The following DIP2C variants were observed in gnomAD, a reference collection of about 807,000 sequenced individuals.
DIP2C encodes disco-interacting protein 2 homolog C.
In DIP2C, 33 loss-of-function variants were observed where a neutral mutation model predicts 192.4. That is an observed-to-expected ratio of 0.17 (90% CI 0.13 to 0.23). DIP2C has a LOEUF of 0.23. DIP2C is among the 10% of genes least tolerant of loss of function. The pLI is 1.00. For synonymous variants in DIP2C, 979 were observed against 864.1 expected (o/e 1.13, Z -2.33); for missense variants, 1,537 against 2,110.1 (o/e 0.73, Z 5.32).
intron 31 of DIP2C, among the ~76,000 whole-genome samples, chr10:321,552 G>A (rs1393185772): frequency 7.7e-6 from 1 of 130,118 alleles, no homozygotes; most frequent in Non-Finnish European, 1.6e-5. Context: ...CGAGAGACCG[G>A]CGCTGTTAGA....
intron 1 of DIP2C, among the ~76,000 whole-genome samples, chr10:490,265 C>G (rs1844337950): frequency 6.6e-6 from 1 of 152,232 alleles, no homozygotes; most frequent in Non-Finnish European, 1.5e-5. Flanking sequence ...ATTCCTGCCT[C>G]TCTTCTCTCC....
At chr10:353,153 G>T (rs1210288602) in intron 24 of DIP2C, among the ~76,000 whole-genome samples, 3 of 135,770 alleles carry the variant, frequency 2.2e-5, no homozygotes, top group Non-Finnish European at 4.6e-5. Flanking sequence ...GTGCTGGGAG[G>T]CAGCATGACC....
intron 3 of DIP2C, among the ~76,000 whole-genome samples, chr10:455,265 A>T (rs10795165): frequency 7.6e-6 from 1 of 132,192 alleles, no homozygotes; most frequent in Non-Finnish European, 1.8e-5. Context: ...CTGCCTGAGG[A>T]GTGGCCCATG....
intron 17 of DIP2C, among the ~76,000 whole-genome samples, chr10:379,287 T>A (rs1323923650): frequency 6.8e-6 from 1 of 146,442 alleles, no homozygotes; most frequent in Non-Finnish European, 1.5e-5. Context: ...CTAGGGCTGC[T>A]GCTGCTCCCG....
rs752525915 is a variant in DIP2C at position 348,628 on chromosome 10, C to G, written c.3231+13G>C. Reference sequence around the variant, plus strand: ...CAGGCAGGTGGAGGCCCCGACATTCCCAGGCATGTTACCTCCACAATCATC... The same window carrying G: ...CAGGCAGGTGGAGGCCCCGACATTCGCAGGCATGTTACCTCCACAATCATC... On this transcript the variant is annotated intron_variant, in intron 26 of 36. Coordinates refer to ENST00000280886, the MANE Select transcript of DIP2C (RefSeq NM_014974.3). 14 of 1,611,140 alleles carry G rather than the reference C, an allele frequency of 8.7e-6. No individual in the cohort carries two copies. Among genetic ancestry groups the G allele is most frequent in the Non-Finnish European group, 1.2e-5 (14 of 1,179,068 alleles).
At chr10:313,500 G>T (rs1404748358) in intron 31 of DIP2C, among the ~76,000 whole-genome samples, 1 of 152,218 alleles carries the variant, frequency 6.6e-6, no homozygotes, top group African/African-American at 2.4e-5. Flanking sequence ...AACAGGCACA[G>T]ACTTGTTGTC....
intron 1 of DIP2C, among the ~76,000 whole-genome samples, chr10:580,374 A>C (rs1317566444): frequency 6.6e-6 from 1 of 152,288 alleles, no homozygotes; most frequent in East Asian, 1.9e-4. Context: ...GCACACATGT[A>C]TATATATAAG....
intron 7 of DIP2C, among the ~76,000 whole-genome samples, chr10:414,747 A>ATATATATATATATATATAATGTG (rs1965475348): frequency 8.3e-6 from 1 of 119,956 alleles, no homozygotes; most frequent in Non-Finnish European, 1.8e-5. Context: ...GTGTACATAT[A>ATATATATATATATATATAATGTG]TATATATATA....
At chr10:685,736 C>A (rs953347294) in intron 1 of DIP2C, among the ~76,000 whole-genome samples, 1 of 151,866 alleles carries the variant, frequency 6.6e-6, no homozygotes, top group African/African-American at 2.4e-5. Flanking sequence ...TCGAGGCGGG[C>A]GGATCACCTG....
intron 4 of DIP2C, among the ~76,000 whole-genome samples, chr10:436,549 G>C (rs1451396104): frequency 1.4e-5 from 2 of 147,418 alleles, no homozygotes; most frequent in Non-Finnish European, 3.0e-5. Context: ...CCACACCTGA[G>C]CTCTGAGCTC....
At chr10:543,466 A>G (rs958053749) in intron 1 of DIP2C, among the ~76,000 whole-genome samples, 2 of 152,204 alleles carry the variant, frequency 1.3e-5, no homozygotes, top group Non-Finnish European at 2.9e-5. Flanking sequence ...ACCACTAAAG[A>G]CCATCTGGGT....
intron 1 of DIP2C, among the ~76,000 whole-genome samples, chr10:656,357 A>G (rs1447770104): frequency 7.9e-5 from 12 of 152,152 alleles, no homozygotes; most frequent in African/African-American, 2.9e-4. Context: ...TCTATTCTGC[A>G]CTACTCTGTA....
intron 13 of DIP2C, among the ~76,000 whole-genome samples, chr10:389,710 A>G (rs1963301788): frequency 6.6e-6 from 1 of 152,226 alleles, no homozygotes; most frequent in Admixed American, 6.5e-5. Flanking sequence ...ACCTCCTACG[A>G]GAAACCTGGA....
intron 1 of DIP2C, among the ~76,000 whole-genome samples, chr10:564,961 C>T (rs1220544170): frequency 6.6e-6 from 1 of 152,208 alleles, no homozygotes; most frequent in Non-Finnish European, 1.5e-5. Context: ...CATTAGAACT[C>T]AGTGAGTTTA....
At chr10:362,461 C>A in intron 22 of DIP2C, 29 bp downstream of exon 22, 1 of 1,609,396 alleles carries the variant, frequency 6.2e-7, no homozygotes, top group East Asian at 2.2e-5. Context: ...ACTCCCGCAC[C>A]TCACAAGCTG....
chr10:414,880 G>GTC (rs1564680409), intron 7 of DIP2C, among the ~76,000 whole-genome samples: 1 of 62,462 alleles, frequency 1.6e-5, no homozygotes, highest in Non-Finnish European at 3.5e-5. Context: ...GTGTGTGTGT[G>GTC]TGTGTGTGTG....
At chr10:504,369 C>T (rs1005991060) in intron 1 of DIP2C, among the ~76,000 whole-genome samples, 1 of 152,166 alleles carries the variant, frequency 6.6e-6, no homozygotes, top group African/African-American at 2.4e-5. Flanking sequence ...CCCGCTGATA[C>T]CCTGCTACCA....
At chr10:564,067 A>G (rs1355270631) in intron 1 of DIP2C, among the ~76,000 whole-genome samples, 4 of 152,380 alleles carry the variant, frequency 2.6e-5, no homozygotes, top group Non-Finnish European at 5.9e-5. Flanking sequence ...GGAATCTGCT[A>G]AGATGTGTCA....
At chr10:465,714 A>C (rs1422615027) in intron 3 of DIP2C, among the ~76,000 whole-genome samples, 1 of 151,978 alleles carries the variant, frequency 6.6e-6, no homozygotes, top group Non-Finnish European at 1.5e-5. Flanking sequence ...ATCAATGTAC[A>C]AAAATCACAA....
Sources: allele counts gnomAD v4.1 joint callset (sites outside exome capture counted in the v4.1 genomes callset), GRCh38; gene constraint gnomAD v4.1.1; transcripts MANE v1.5; gene names NCBI Gene and HGNC (gene_info 2026-07-23, HGNC 2026-07-21).